Variants in BAZ2A observed in about 807,000 individuals in gnomAD.
BAZ2A encodes the protein bromodomain adjacent to zinc finger domain protein 2A.
BAZ2A carries 34 observed loss-of-function variants against 199.9 expected under a neutral mutation model. The ratio of observed to expected loss-of-function variants is 0.17; its 90% confidence interval spans 0.13 to 0.23. The LOEUF (loss-of-function observed/expected upper bound fraction) is 0.23. Among genes scored for constraint, BAZ2A ranks in the 10% least tolerant of loss-of-function variants. BAZ2A has a pLI of 1.00. For synonymous variants in BAZ2A, 857 were observed against 883.9 expected, an observed-to-expected ratio of 0.97 and a Z score of 0.54; for missense variants, 2,002 against 2,391.1, an observed-to-expected ratio of 0.84 and a Z score of 3.39.
In BAZ2A at chr12:56,614,056, G is replaced by C. The variant is rs1446182925; in HGVS notation, c.813C>G (p.Pro271=). 3 of 1,613,844 alleles carry C rather than the reference G, an allele frequency of 1.9e-6. No individual in the cohort carries two copies. Among genetic ancestry groups the C allele is most frequent in the Non-Finnish European group, 2.5e-6 (3 of 1,179,866 alleles). ...HQEVSVLVPD[P]TVSCLDDPSH... is the part of the protein sequence containing the mutation. Reference sequence around the variant, plus strand: ...AAGGATCATCTAAACAGCTCACTGTGGGGTCAGGGACCAGGACTGAGACCT... The same window carrying C: ...AAGGATCATCTAAACAGCTCACTGTCGGGTCAGGGACCAGGACTGAGACCT... The change falls in exon 4 of 29, where the codon CCC becomes CCG. Residue 271 remains proline, a synonymous_variant. Transcript: ENST00000549884.
intron 1 of BAZ2A, among the ~76,000 whole-genome samples, chr12:56,619,050 G>A (rs1389731442): frequency 6.6e-6 from 1 of 151,790 alleles, no homozygotes; most frequent in East Asian, 1.9e-4. Context: ...TTTAAAAGTA[G>A]CAGGGTGTGA....
chr12:56,636,872 C>A (rs577404641), upstream of BAZ2A: 13 of 152,584 alleles, frequency 8.5e-5, no homozygotes, highest in African/African-American at 3.1e-4. Context: ...ACAGGAGAGA[C>A]TGCGGGAGAG....
chr12:56,602,374 C>T (rs911672950), intron 19 of BAZ2A, among the ~76,000 whole-genome samples, 182 bp from the exon 20 acceptor site: 2 of 152,172 alleles, frequency 1.3e-5, no homozygotes, highest in Admixed American at 1.3e-4. Flanking sequence ...ACTATTCTCC[C>T]AAGTAATCAG....
chr12:56,607,534 G>C (rs1400194529), intron 10 of BAZ2A, among the ~76,000 whole-genome samples: 1 of 152,138 alleles, frequency 6.6e-6, no homozygotes, highest in Non-Finnish European at 1.5e-5. Flanking sequence ...ACCACGCCCA[G>C]TTAATTTTTA....
At chr12:56,618,137 G>A (rs1592604259) in intron 1 of BAZ2A, among the ~76,000 whole-genome samples, 1 of 152,104 alleles carries the variant, frequency 6.6e-6, no homozygotes, top group East Asian at 1.9e-4. Context: ...GGCAAACCTC[G>A]AATCATCCAG....
chr12:56,617,770 C>G (rs772244220), intron 1 of BAZ2A, among the ~76,000 whole-genome samples: 8 of 152,118 alleles, frequency 5.3e-5, no homozygotes, highest in Non-Finnish European at 1.2e-4. Context: ...AAAAACAAAG[C>G]AAGTTAGCGA....
At chr12:56,621,222 A>G in intron 1 of BAZ2A, 1 of 985,422 alleles carries the variant, frequency 1.0e-6, no homozygotes, top group Non-Finnish European at 1.2e-6. Context: ...ATTTGAATCC[A>G]AGAACAAAGT....
At position 56,599,214 on chromosome 12, in the gene BAZ2A, G is replaced by C; in HGVS notation, c.5317C>G (p.Pro1773Ala). ...LRGRESPAAG[P>A]RYSEEGLSPS... is the part of the protein sequence containing the mutation. The stretch of plus-strand genomic sequence containing the variant: ...GAGAGCCCTTCTTCCGAGTACCGAG[G>C]CCCTGCTGCTGGGCTTTCTCGGCCC... The change falls in exon 27 of 29, where the codon CCT (proline) becomes GCT (alanine). Residue 1773 changes from proline (P) to alanine (A), a missense_variant. Coordinates refer to ENST00000549884, the MANE Select transcript of BAZ2A (RefSeq NM_001300905.2). 6.2e-7 allele frequency: 1 copy of C among 1,613,292 alleles called. No homozygotes were observed. The highest frequency in any genetic ancestry group is 8.5e-7 in the Non-Finnish European group (1 of 1,179,736).
Position 56,610,183 on chromosome 12 carries a change from G to A in BAZ2A, c.1812C>T (p.Arg604=). The change falls in exon 9 of 29, where the codon CGC becomes CGT. Residue 604 remains arginine (R), a synonymous_variant. Transcript: ENST00000549884. ...GGGGACTGAAGCTGAAGTGCTCTCG[G>A]CGGACACTGTGTACCACGTTGCGGC... ...YLSRNVVHSV[R]REHFSFSPRM... 1 of 1,613,946 alleles carries A rather than the reference G, an allele frequency of 6.2e-7. No individual in the cohort carries two copies. Among genetic ancestry groups the A allele is most frequent in the Non-Finnish European group, 8.5e-7 (1 of 1,179,878 alleles).
intron 13 of BAZ2A, 96 bp from the exon 14 acceptor site, chr12:56,605,423 ATT>A (rs376954501): frequency 0.015 from 14,849 of 1,022,458 alleles, no homozygotes; most frequent in South Asian, 0.027. Flanking sequence ...TTTTTATGTA[ATT>A]TTTTTTTTTT....
rs143916462 is a variant in BAZ2A at position 56,599,025 on chromosome 12, G to T, written c.5403-14C>A. ...ATCAGGATAATCCTATCATTAGAGGGACAATGATGGCTCCATCTCAGGAAG... is the reference window on the plus strand; with the variant it reads ...ATCAGGATAATCCTATCATTAGAGGTACAATGATGGCTCCATCTCAGGAAG... On this transcript the variant is annotated splice_polypyrimidine_tract_variant and intron_variant, in intron 27 of 28. Transcript: ENST00000549884. 175 of 1,609,764 alleles carry T rather than the reference G, an allele frequency of 1.1e-4. No homozygotes were observed. In the East Asian group the frequency reaches 2.9e-3, roughly 26 times the overall value.
chr12:56,617,426 C>T lies in BAZ2A; in HGVS notation c.105G>A (p.Gly35=). The T allele has an allele frequency of 6.2e-7, 1 of 1,604,010 alleles. No homozygotes were observed. Among genetic ancestry groups the T allele is most frequent in the Non-Finnish European group, 8.5e-7 (1 of 1,175,426 alleles). ...CTTGCTGGGGGAAGTTCATGGGAGA[C>T]CCGTTAGTGTAGAGGCCCTCCCCTG... ...PSSGEGLYTN[G]SPMNFPQQGK... The change falls in exon 2 of 29, where the codon GGG becomes GGA. Residue 35 remains glycine, a synonymous_variant. Coordinates refer to ENST00000549884, the MANE Select transcript of BAZ2A (RefSeq NM_001300905.2).
chr12:56,633,506 G>A (rs1029589547), upstream of BAZ2A, among the ~76,000 whole-genome samples: 44 of 152,138 alleles, frequency 2.9e-4, no homozygotes, highest in African/African-American at 1.0e-3. Flanking sequence ...TCTAATGGAG[G>A]TGGGATAATT....
rs1215769574 is a variant in BAZ2A, at chr12:56,604,788, G to T, written c.2760C>A (p.Ile920=). ...GFPSYCQSLK[I]LGEKVSEIPL... ...GGATCTCAGACACCTTCTCCCCCAA[G>T]ATCTTTAGGGACTGTGTGGAGGACA... Residue 920 remains isoleucine, a synonymous_variant, in exon 15 of 29, where the codon ATC becomes ATA. Coordinates refer to ENST00000549884, the MANE Select transcript of BAZ2A (RefSeq NM_001300905.2). 5.6e-6 allele frequency: 9 copies of T among 1,613,342 alleles called. No individual in the cohort carries two copies. The highest frequency in any genetic ancestry group is 7.6e-6 in the Non-Finnish European group (9 of 1,179,772).
At chr12:56,620,543 A>G (rs1368859419) in intron 1 of BAZ2A, among the ~76,000 whole-genome samples, 3 of 148,514 alleles carry the variant, frequency 2.0e-5, no homozygotes, top group African/African-American at 7.5e-5. Flanking sequence ...AACAAAACAC[A>G]CAGGGTCCTC....
In BAZ2A at chr12:56,615,159, T is replaced by A. The variant is rs1950677419; in HGVS notation, c.585A>T (p.Gly195=). ...FTSPQTSPML[G]SSIQTFAPSQ... ...AGGGTGCAAAGGTTTGAATGCTAGA[T>A]CCCAACATAGGAGAAGTCTGTGGGG... Residue 195 remains glycine, a synonymous_variant, in exon 3 of 29, where the codon GGA becomes GGT. Coordinates refer to ENST00000549884, the MANE Select transcript of BAZ2A (RefSeq NM_001300905.2). The A allele has an allele frequency of 6.2e-7, 1 of 1,613,688 alleles. No individual in the cohort carries two copies.
chr12:56,615,413 G>C lies in BAZ2A; in HGVS notation c.331C>G (p.Leu111Val). 3 of 1,613,456 alleles carry C rather than the reference G, an allele frequency of 1.9e-6. No homozygotes were observed. In the South Asian group the frequency reaches 3.3e-5, roughly 18 times the overall value. ...PGSNLKDPPL[L>V]SQFSGGQYPL... is the part of the protein sequence containing the mutation. ...TATTGTCCCCCCGAGAACTGGGAGA[G>C]AAGGGGTGGGTCCTTGAGGTTGCTG... Residue 111 changes from leucine (L) to valine (V), a missense_variant, in exon 3 of 29, where the codon CTC becomes GTC. This residue lies in a region of BAZ2A where 641 missense variants were observed against 694.5 expected (regional missense o/e 0.92). Transcript: ENST00000549884.
At chr12:56,630,565 C>A (rs1330895085), upstream of BAZ2A, among the ~76,000 whole-genome samples, 1 of 152,252 alleles carries the variant, frequency 6.6e-6, no homozygotes, top group East Asian at 1.9e-4. Flanking sequence ...ATGCCACAGT[C>A]CCAAGGTTAA....
chr12:56,603,305 T>C lies in BAZ2A; in HGVS notation c.3279+54A>G, dbSNP rs1950240155. ...AAATTCAGTTTAAAAAAGAAGCTGA[T>C]CAATTCTTGCCCAGCCCATATCTCC... On this transcript the variant is annotated intron_variant, in intron 18 of 28. Transcript: ENST00000549884. The C allele has an allele frequency of 1.9e-6, 3 of 1,545,424 alleles. No homozygotes were observed. In the South Asian group the frequency reaches 3.5e-5, roughly 18 times the overall value.
Sources: gnomAD v4.1 joint callset for allele counts (sites outside exome capture counted in the v4.1 genomes callset) on GRCh38, gnomAD v4.1.1 for gene constraint, gnomAD v4.1.1 regional missense constraint, MANE v1.5 for transcripts, NCBI Gene and HGNC (gene_info 2026-07-23, HGNC 2026-07-21) for gene names.